Variants in CDKL5 observed in about 807,000 individuals in gnomAD.
CDKL5 encodes the protein cyclin dependent kinase like 5, also known as cyclin-dependent kinase-like 5.
A neutral mutation model predicts 61.7 loss-of-function variants in CDKL5; 8 were observed. The observed-to-expected ratio is 0.13, with a 90% confidence interval of 0.08 to 0.23. The LOEUF is 0.23. CDKL5 is among the 10% of genes least tolerant of loss of function. CDKL5 has a pLI of 1.00. For synonymous variants in CDKL5, 275 were observed against 272.3 expected, an observed-to-expected ratio of 1.01 and a Z score of -0.10; for missense variants, 440 against 734.5, an observed-to-expected ratio of 0.60 and a Z score of 4.63.
At position 18,475,203 on chromosome X, in the gene CDKL5, C is replaced by T. The variant is rs766900520; in HGVS notation, c.-162-31732C>T. Among the ~76,000 whole-genome samples the T allele has an allele frequency of 2.7e-5, 3 of 111,742 alleles. No homozygotes were observed. In the East Asian group the frequency reaches 8.4e-4, roughly 31 times the overall value. On this transcript the variant is annotated intron_variant, in intron 1 of 17. Coordinates refer to ENST00000623535, the MANE Select transcript of CDKL5 (RefSeq NM_001323289.2). Reference sequence around the variant, plus strand: ...CAAACTCCTGACCTCACGTGATCCGCCCACCTTGGCCTCCCAAAGTGCTGG... The same window carrying T: ...CAAACTCCTGACCTCACGTGATCCGTCCACCTTGGCCTCCCAAAGTGCTGG...
intron 3 of CDKL5, among the ~76,000 whole-genome samples, chrX:18,547,084 C>T (rs1180309294): frequency 2.7e-5 from 3 of 112,156 alleles, no homozygotes; most frequent in Non-Finnish European, 5.6e-5. Flanking sequence ...CTCTTCCCTC[C>T]AGAATGTAAC....
intron 1 of CDKL5, among the ~76,000 whole-genome samples, chrX:18,482,120 A>G (rs1279239921): frequency 9.0e-6 from 1 of 111,271 alleles, no homozygotes; most frequent in Admixed American, 9.6e-5. Context: ...CCTTAGGGCA[A>G]TTTCTGCAGA....
At chrX:18,603,808 A>G (rs1364770867) in intron 11 of CDKL5, 94 bp from the exon 12 acceptor site, 1 of 986,901 alleles carries the variant, frequency 1.0e-6, no homozygotes, top group African/African-American at 1.9e-5. Context: ...TTAGTCTTCC[A>G]GGTGTTTTGA....
chrX:18,460,439 G>C (rs1341792612), intron 1 of CDKL5, among the ~76,000 whole-genome samples: 1 of 111,899 alleles, frequency 8.9e-6, no homozygotes, highest in Non-Finnish European at 1.9e-5. Flanking sequence ...AATTGAACCT[G>C]AGATTTGGGT....
At chrX:18,481,917 G>T (rs1201369351) in intron 1 of CDKL5, among the ~76,000 whole-genome samples, 1 of 110,441 alleles carries the variant, frequency 9.1e-6, no homozygotes, top group East Asian at 2.9e-4. Flanking sequence ...CAGGGGATGT[G>T]AAATTCTGGT....
chrX:18,473,667 A>G (rs764263321), intron 1 of CDKL5, among the ~76,000 whole-genome samples: 1 of 108,640 alleles, frequency 9.2e-6, no homozygotes, highest in African/African-American at 3.4e-5. Flanking sequence ...TGCTGGAACC[A>G]CTTACCTGGA....
chrX:18,546,415 C>T (rs1389441978), intron 3 of CDKL5, among the ~76,000 whole-genome samples: 1 of 109,289 alleles, frequency 9.2e-6, no homozygotes, highest in African/African-American at 3.3e-5. Context: ...GCGCCCGCCA[C>T]CACACCTGGC....
chrX:18,509,199 A>G (rs745890119), intron 2 of CDKL5, among the ~76,000 whole-genome samples: 174 of 44,919 alleles, frequency 3.9e-3, no homozygotes, highest in African/African-American at 0.011. Flanking sequence ...CAAAACACGC[A>G]CACACACACA....
intron 1 of CDKL5, among the ~76,000 whole-genome samples, chrX:18,434,901 C>T (rs2147619144): frequency 8.9e-6 from 1 of 112,015 alleles, no homozygotes; most frequent in South Asian, 3.7e-4. Context: ...GTACTCCAGC[C>T]TGGGCCACAG....
chrX:18,527,620 T>C (rs1216488302), intron 3 of CDKL5, among the ~76,000 whole-genome samples: 8 of 111,857 alleles, frequency 7.2e-5, no homozygotes, highest in Non-Finnish European at 1.5e-4. Context: ...TGTTTTTTTT[T>C]CTCTTGGTTA....
At chrX:18,511,406 C>T (rs1299088150) in intron 3 of CDKL5, among the ~76,000 whole-genome samples, 2 of 109,937 alleles carry the variant, frequency 1.8e-5, no homozygotes, top group African/African-American at 6.6e-5. Flanking sequence ...TTCAACTGAC[C>T]TATGCCGTGC....
At chrX:18,479,098 C>G (rs1297954473) in intron 1 of CDKL5, among the ~76,000 whole-genome samples, 6 of 111,459 alleles carry the variant, frequency 5.4e-5, no homozygotes, top group African/African-American at 9.8e-5. Flanking sequence ...AGCAATCCTC[C>G]TATCTTGGCC....
chrX:18,444,655 T>G (rs1321437422), intron 1 of CDKL5, among the ~76,000 whole-genome samples: 1 of 112,599 alleles, frequency 8.9e-6, no homozygotes, highest in Non-Finnish European at 1.9e-5. Context: ...CTGTTACATT[T>G]TCTTTCAAAC....
chrX:18,581,193 T>C (rs1925469359), intron 6 of CDKL5, among the ~76,000 whole-genome samples: 2 of 112,109 alleles, frequency 1.8e-5, no homozygotes, highest in Admixed American at 9.5e-5. Flanking sequence ...CTCTACCATA[T>C]GATATAGATC....
At chrX:18,589,571 T>C (rs186787847) in intron 9 of CDKL5, 1 of 111,885 alleles carries the variant, frequency 8.9e-6, no homozygotes, top group Non-Finnish European at 1.9e-5. Context: ...TCCAAGTCTT[T>C]GCTATTGTGA....
intron 3 of CDKL5, chrX:18,535,994 C>T (rs1377728882): frequency 8.9e-6 from 1 of 111,994 alleles, no homozygotes; most frequent in Non-Finnish European, 1.9e-5. Flanking sequence ...GCAGGAAGTA[C>T]CCCCTCTGAC....
intron 3 of CDKL5, among the ~76,000 whole-genome samples, chrX:18,542,658 GAT>G (rs1491452358): frequency 9.5e-6 from 1 of 104,723 alleles, no homozygotes; most frequent in African/African-American, 3.5e-5. Flanking sequence ...CTAATATGAT[GAT>G]TTTTTTTTTT....
At chrX:18,596,688 C>T (rs991142445) in intron 10 of CDKL5, among the ~76,000 whole-genome samples, 1 of 111,933 alleles carries the variant, frequency 8.9e-6, no homozygotes, top group Non-Finnish European at 1.9e-5. Flanking sequence ...TTGGTAACTT[C>T]TAAAATGTGA....
In CDKL5 at chrX:18,446,203, A is replaced by C. The variant is rs1309660867; in HGVS notation, c.-163+20508A>C. 1.2e-4 allele frequency among the ~76,000 whole-genome samples: 13 copies of C among 107,718 alleles called. No individual in the cohort carries two copies. The East Asian group carries it at 2.9e-3, about 24-fold the overall frequency. The allele number at this position is 107,718 out of a possible 115,157, so 93.5% of individuals were successfully genotyped here. A position where few individuals can be genotyped will look rare whatever the true frequency, so the allele number is the denominator to read the frequency against. On this transcript the variant is annotated intron_variant, in intron 1 of 17. Transcript: ENST00000623535. ...TACTAAAAATACAAAAAAAAAAAAA[A>C]AAAATTAGCCAGGGATGGTGGGCGG... is the stretch of plus-strand genomic sequence containing the variant.
Sources: gnomAD v4.1 joint callset for allele counts (sites outside exome capture counted in the v4.1 genomes callset) on GRCh38, gnomAD v4.1.1 for gene constraint, MANE v1.5 for transcripts, NCBI Gene and HGNC (gene_info 2026-07-23, HGNC 2026-07-21) for gene names.